CATSPERE: variants seen among roughly 807,000 people sequenced by gnomAD.
CATSPERE encodes the protein catsper channel auxiliary subunit epsilon.
A neutral mutation model predicts 114.1 loss-of-function variants in CATSPERE; 93 were observed. That is an observed-to-expected ratio of 0.81 (90% confidence interval 0.69 to 0.97). CATSPERE has a LOEUF of 0.97. Among genes scored for constraint, CATSPERE ranks in the 50% least tolerant of loss-of-function variants. The pLI is 0.00. For missense variants in CATSPERE, 1,058 were observed against 1,131.6 expected (o/e 0.93, Z 0.93); for synonymous variants, 341 against 384.1 (o/e 0.89, Z 1.31).
chr1:244,460,092 T>C (rs1666532388), upstream of CATSPERE, among the ~76,000 whole-genome samples: 1 of 152,264 alleles, frequency 6.6e-6, no homozygotes, highest in African/African-American at 2.4e-5. Flanking sequence ...ACCTCAAAGC[T>C]GTCCTTGTTC....
At chr1:244,583,458 G>A (rs138412917) in intron 12 of CATSPERE, among the ~76,000 whole-genome samples, 14 of 152,052 alleles carry the variant, frequency 9.2e-5, no homozygotes, top group African/African-American at 1.4e-4. Flanking sequence ...CTATCAATAC[G>A]AGGGGAAAAC....
chr1:244,560,515 G>T (rs964192046), intron 9 of CATSPERE, among the ~76,000 whole-genome samples, 153 bp from the exon 10 acceptor site: 1 of 151,880 alleles, frequency 6.6e-6, no homozygotes, highest in African/African-American at 2.4e-5. Context: ...CACCACTGAA[G>T]AACTTATTCA....
chr1:244,484,782 C>T (rs1670743210), intron 5 of CATSPERE, among the ~76,000 whole-genome samples: 1 of 152,206 alleles, frequency 6.6e-6, no homozygotes, highest in Admixed American at 6.5e-5. Flanking sequence ...ATTACCTTCT[C>T]TTCCTGAAGT....
At chr1:244,487,931 C>A (rs148695974) in intron 5 of CATSPERE, among the ~76,000 whole-genome samples, 117 of 152,200 alleles carry the variant, frequency 7.7e-4, no homozygotes, top group Admixed American at 1.7e-3. Flanking sequence ...AGTACAGGAC[C>A]CTTCTAAGCA....
chr1:244,590,853 G>C (rs2148641977), intron 14 of CATSPERE, among the ~76,000 whole-genome samples: 1 of 152,254 alleles, frequency 6.6e-6, no homozygotes, highest in Admixed American at 6.5e-5. Context: ...TGGATATTTG[G>C]GATGTTTCTA....
At chr1:244,593,462 A>T in intron 16 of CATSPERE, 34 bp downstream of exon 16, 1 of 1,613,566 alleles carries the variant, frequency 6.2e-7, no homozygotes, top group East Asian at 2.2e-5. Context: ...CAATGGACCA[A>T]ATATATAAAA....
chr1:244,498,844 G>A (rs1205285152), intron 6 of CATSPERE, among the ~76,000 whole-genome samples, 158 bp from the exon 7 acceptor site: 1 of 152,160 alleles, frequency 6.6e-6, no homozygotes, highest in Non-Finnish European at 1.5e-5. Context: ...GTTGCAGTGA[G>A]CTGAGATTGC....
In CATSPERE at chr1:244,624,054, C is replaced by T. The variant is rs781717232; in HGVS notation, c.2648+6368C>T. Among the ~76,000 whole-genome samples the T allele has an allele frequency of 4.6e-5, 7 of 151,874 alleles. No homozygotes were observed. In the South Asian group the frequency reaches 6.2e-4, roughly 13 times the overall value. ...TCAACTCACTGCAAGCTCTGCCTCC[C>T]GGGTTCACACCATTCTCCTGCCTCA... On this transcript the variant is annotated intron_variant, in intron 20 of 21. Transcript: ENST00000366534.
At position 244,463,646 on chromosome 1, in the gene CATSPERE, C is replaced by CA. The variant is rs35832545; in HGVS notation, c.66-246dup. ...GTGTTCTTCAAGAGTTTTCATCTTA[C>CA]AAAAAAAAAAAAAAAACCAGGTAAA... On this transcript the variant is annotated intron_variant, in intron 1 of 21. Coordinates refer to ENST00000366534, the MANE Select transcript of CATSPERE (RefSeq NM_001130957.2). Among the ~76,000 whole-genome samples, 661 of 116,748 alleles carry CA rather than the reference C, an allele frequency of 5.7e-3. 1 individual carries two copies. The highest frequency in any genetic ancestry group is 7.8e-3 in the East Asian group (29 of 3,734). 76.6% of individuals were successfully genotyped at this position (116,748 alleles called of 152,430 possible). A position where few individuals can be genotyped will look rare whatever the true frequency, so the allele number is the denominator to read the frequency against.
At chr1:244,557,571 A>ATATG (rs1288984028) in intron 9 of CATSPERE, among the ~76,000 whole-genome samples, 1 of 90,658 alleles carries the variant, frequency 1.1e-5, no homozygotes, top group Non-Finnish European at 2.3e-5. Flanking sequence ...ATATATATAT[A>ATATG]TATATATATA....
intron 17 of CATSPERE, among the ~76,000 whole-genome samples, chr1:244,595,823 C>T (rs1309014057): frequency 1.3e-5 from 2 of 152,124 alleles, no homozygotes; most frequent in Non-Finnish European, 2.9e-5. Flanking sequence ...GTCCCAGCTA[C>T]TGGGGAGGCT....
intron 9 of CATSPERE, 79 bp downstream of exon 9, chr1:244,552,893 A>C (rs1193449410): frequency 1.3e-6 from 1 of 746,262 alleles, no homozygotes; most frequent in Admixed American, 4.5e-5. Context: ...ACTCAGTGAT[A>C]AACAGAGACT....
intron 10 of CATSPERE, among the ~76,000 whole-genome samples, chr1:244,567,814 A>G (rs1159223923): frequency 1.3e-5 from 2 of 151,874 alleles, no homozygotes; most frequent in Admixed American, 6.6e-5. Flanking sequence ...GGAGTTTGTT[A>G]TTACTCCCCT....
intron 19 of CATSPERE, among the ~76,000 whole-genome samples, chr1:244,611,844 A>G (rs1049857169): frequency 6.6e-6 from 1 of 152,184 alleles, no homozygotes; most frequent in Non-Finnish European, 1.5e-5. Flanking sequence ...GTAATTAACA[A>G]TCATGAAGCT....
chr1:244,570,269 A>G (rs1247378267), intron 10 of CATSPERE, among the ~76,000 whole-genome samples: 1 of 152,134 alleles, frequency 6.6e-6, no homozygotes, highest in African/African-American at 2.4e-5. Flanking sequence ...TTATGTACCT[A>G]TAATTATCTT....
At chr1:244,588,816 T>G (rs1667356810) in intron 14 of CATSPERE, among the ~76,000 whole-genome samples, 1 of 152,238 alleles carries the variant, frequency 6.6e-6, no homozygotes, top group Admixed American at 6.5e-5. Context: ...CCTTCACAGT[T>G]GCCTCTCTCA....
intron 2 of CATSPERE, among the ~76,000 whole-genome samples, chr1:244,473,629 CT>C (rs565407092): frequency 1.1e-4 from 17 of 150,938 alleles, no homozygotes; most frequent in African/African-American, 3.9e-4. Context: ...ATTTATCAAC[CT>C]TTTTTTTTGA....
chr1:244,479,187 G>A (rs3127470), intron 4 of CATSPERE, among the ~76,000 whole-genome samples: 97,444 of 151,450 alleles, frequency 0.64, 31,725 homozygotes, highest in Middle Eastern at 0.74. Flanking sequence ...TCCGCCTCCT[G>A]GGTTCAAGCG....
At chr1:244,490,823 G>C (rs751391093) in intron 6 of CATSPERE, among the ~76,000 whole-genome samples, 7 of 151,356 alleles carry the variant, frequency 4.6e-5, no homozygotes, top group African/African-American at 1.2e-4. Context: ...TTTTTCTTTT[G>C]AAAAATAGTT....
Sources: gnomAD v4.1 joint callset for allele counts (sites outside exome capture counted in the v4.1 genomes callset) on GRCh38, gnomAD v4.1.1 for gene constraint, MANE v1.5 for transcripts, NCBI Gene and HGNC (gene_info 2026-07-23, HGNC 2026-07-21) for gene names.